Variants in SYDE2 observed in about 807,000 individuals in gnomAD.
SYDE2 encodes synapse defective Rho GTPase homolog 2.
Under a neutral mutation model 91.5 loss-of-function variants are expected in SYDE2, and 76 were observed. That is an observed-to-expected ratio of 0.83 (90% CI 0.69 to 1.01). The LOEUF (loss-of-function observed/expected upper bound fraction) is 1.01. Among genes scored for constraint, SYDE2 ranks in the 50% least tolerant of loss-of-function variants. The pLI is 0.00. For synonymous variants in SYDE2, 513 were observed against 506.4 expected, an observed-to-expected ratio of 1.01 and a Z score of -0.18; for missense variants, 1,364 against 1,367.7, an observed-to-expected ratio of 1.00 and a Z score of 0.04.
intron 1 of SYDE2, among the ~76,000 whole-genome samples, chr1:85,191,575 T>C (rs368258906): frequency 9.8e-4 from 149 of 152,068 alleles, no homozygotes; most frequent in African/African-American, 2.6e-3. Context: ...CTGGCCAACA[T>C]AGTGAAACCC....
Position 85,164,553 on chromosome 1 carries a change from G to A in SYDE2, c.3058C>T (p.Leu1020Phe). 4 of 1,601,864 alleles carry A rather than the reference G, an allele frequency of 2.5e-6. No individual in the cohort carries two copies. Among genetic ancestry groups the A allele is most frequent in the Non-Finnish European group, 3.4e-6 (4 of 1,174,536 alleles). ...ALDFKKHIEVLHYLLQLWPVQ... is the reference protein window; with the variant it reads ...ALDFKKHIEVFHYLLQLWPVQ... ...GGCCAGAGTTGGAGTAAGTAATGAA[G>A]AACTTCAATGTGTTTTTTAAAATCC... The change falls in exon 6 of 7, where the codon CTT becomes TTT. Residue 1020 changes from leucine to phenylalanine, a missense_variant. Leu to Phe is a conservative substitution (Grantham distance 22, BLOSUM62 0). Coordinates refer to ENST00000341460, the MANE Select transcript of SYDE2 (RefSeq NM_032184.2).
In SYDE2 at chr1:85,200,445, C is replaced by T; in HGVS notation, c.552G>A (p.Pro184=). ...RQEGPSFLRP[P]AVTVKKLQKW... The stretch of plus-strand genomic sequence containing the variant: ...TCTGCAGCTTCTTGACTGTCACTGC[C>T]GGCGGCCTGAGGAAGGAGGGGCCTT... Residue 184 remains proline, a synonymous_variant, in exon 1 of 7, where the codon CCG becomes CCA. Transcript: ENST00000341460. 1 of 1,614,008 alleles carries T rather than the reference C, an allele frequency of 6.2e-7. No individual in the cohort carries two copies. The highest frequency in any genetic ancestry group is 8.5e-7 in the Non-Finnish European group (1 of 1,179,894).
In SYDE2 at chr1:85,169,189, G is replaced by A. The variant is rs1657408444; in HGVS notation, c.2708C>T (p.Pro903Leu). ...LKDYLRELPS[P>L]LITKQLYEAV... ...CTCATAAAGCTGCTTTGTTATCAGA[G>A]GAGAAGGGAGTTCTCTTAAATAATC... The change falls in exon 5 of 7, where the codon CCT becomes CTT. Residue 903 changes from proline to leucine, a missense_variant. Pro to Leu is a moderately conservative substitution (Grantham distance 98, BLOSUM62 -3). Transcript: ENST00000341460. The A allele has an allele frequency of 6.2e-7, 1 of 1,613,500 alleles. No individual in the cohort carries two copies. The highest frequency in any genetic ancestry group is 1.1e-5 in the South Asian group (1 of 90,996).
At chr1:85,163,445 C>CCATATA (rs1553170238) in intron 6 of SYDE2, among the ~76,000 whole-genome samples, 2 of 87,608 alleles carry the variant, frequency 2.3e-5, no homozygotes, top group African/African-American at 6.9e-5. Flanking sequence ...GTACTTTAAT[C>CCATATA]TATATATATA....
At chr1:85,171,054 C>T (rs1382140532) in intron 4 of SYDE2, among the ~76,000 whole-genome samples, 1 of 152,064 alleles carries the variant, frequency 6.6e-6, no homozygotes, top group Admixed American at 6.6e-5. Context: ...ACTAGTGACA[C>T]TATTTCAAAT....
Position 85,170,950 on chromosome 1 carries a change from A to G in SYDE2, c.2672-1725T>C, listed in dbSNP as rs1657481992. Among the ~76,000 whole-genome samples the G allele has an allele frequency of 2.0e-5, 3 of 152,216 alleles. No individual in the cohort carries two copies. The South Asian group carries it at 6.2e-4, about 31-fold the overall frequency. On this transcript the variant is annotated intron_variant, in intron 4 of 6. Transcript: ENST00000341460. Reference sequence around the variant, plus strand: ...CTGTAGGATAAATTCTTAAAACAGGACTGCTAAGTAAAAAATGCATTTGCA... The same window carrying G: ...CTGTAGGATAAATTCTTAAAACAGGGCTGCTAAGTAAAAAATGCATTTGCA...
chr1:85,177,963 T>A (rs1416074991), intron 4 of SYDE2, among the ~76,000 whole-genome samples, 183 bp downstream of exon 4: 1 of 152,164 alleles, frequency 6.6e-6, no homozygotes, highest in Non-Finnish European at 1.5e-5. Flanking sequence ...CAGCTGTTTG[T>A]GGGCAAGGGA....
At position 85,182,913 on chromosome 1, in the gene SYDE2, A is replaced by G. The variant is rs1184801172; in HGVS notation, c.1729T>C (p.Ser577Pro). Residue 577 changes from serine (S) to proline (P), a missense_variant, in exon 3 of 7, where the codon TCT becomes CCT. Coordinates refer to ENST00000341460, the MANE Select transcript of SYDE2 (RefSeq NM_032184.2). Reference protein sequence around the residue: ...REVHHTDILPSGNTTTAAKRN... With the variant: ...REVHHTDILPPGNTTTAAKRN... ...TTAGCAGCGGTGGTTGTGTTCCCAG[A>G]GGGCAGAATATCAGTATGATGAACT... is the stretch of plus-strand genomic sequence containing the variant. 2.0e-5 allele frequency: 33 copies of G among 1,613,698 alleles called. No homozygotes were observed. Among genetic ancestry groups the G allele is most frequent in the Non-Finnish European group, 2.7e-5 (32 of 1,179,804 alleles).
downstream of SYDE2, chr1:85,152,545 A>T (rs535843272): frequency 2.0e-4 from 31 of 152,254 alleles, no homozygotes; most frequent in Non-Finnish European, 4.0e-4. Flanking sequence ...AAAATTATGT[A>T]GACATTGCGA....
At chr1:85,183,263 T>A in intron 2 of SYDE2, 63 bp from the exon 3 acceptor site, 5 of 1,423,788 alleles carry the variant, frequency 3.5e-6, no homozygotes, top group Non-Finnish European at 4.7e-6. Context: ...TTATTCTTAT[T>A]TTATAAACCA....
intron 6 of SYDE2, chr1:85,160,324 AT>A (rs1657015297): frequency 1.1e-6 from 1 of 910,650 alleles, no homozygotes. Flanking sequence ...TTAAAGTGAT[AT>A]TCATAACATT....
At chr1:85,186,546 C>T (rs1025987663) in intron 2 of SYDE2, among the ~76,000 whole-genome samples, 29 of 152,050 alleles carry the variant, frequency 1.9e-4, no homozygotes, top group East Asian at 9.6e-4. Context: ...AAAAAGAGCC[C>T]GCATCGCCAA....
chr1:85,155,009 C>CAAAAAAA, downstream of SYDE2, among the ~76,000 whole-genome samples: 9 of 80,638 alleles, frequency 1.1e-4, no homozygotes, highest in Non-Finnish European at 1.8e-4. Context: ...AAGAATGCAG[C>CAAAAAAA]AAAAAAAAAA....
chr1:85,189,977 C>T, intron 2 of SYDE2, 80 bp downstream of exon 2: 1 of 1,093,810 alleles, frequency 9.1e-7, no homozygotes, highest in Non-Finnish European at 1.3e-6. Flanking sequence ...TAACAAACAT[C>T]TTTTATATTT....
intron 6 of SYDE2, among the ~76,000 whole-genome samples, chr1:85,164,185 T>A (rs1023786330): frequency 1.3e-5 from 2 of 152,152 alleles, no homozygotes; most frequent in Non-Finnish European, 2.9e-5. Context: ...TAAAAATCTA[T>A]AAACATATTA....
chr1:85,159,347 AC>A, intron 6 of SYDE2, 98 bp from the exon 7 acceptor site: 1 of 680,160 alleles, frequency 1.5e-6, no homozygotes, highest in South Asian at 1.6e-5. Context: ...TCAACTACAA[AC>A]ATGCATTAAA....
intron 6 of SYDE2, among the ~76,000 whole-genome samples, chr1:85,161,520 G>A (rs1657058285): frequency 6.6e-6 from 1 of 152,092 alleles, no homozygotes; most frequent in Non-Finnish European, 1.5e-5. Context: ...GAAGTCAGGA[G>A]TTCGAGATTG....
intron 2 of SYDE2, among the ~76,000 whole-genome samples, chr1:85,186,483 A>G (rs1658144229): frequency 6.6e-6 from 1 of 152,166 alleles, no homozygotes; most frequent in Admixed American, 6.5e-5. Context: ...CAAGCTACCA[A>G]TGACTTTCTT....
chr1:85,186,255 C>A (rs1257337186), intron 2 of SYDE2, among the ~76,000 whole-genome samples: 1 of 152,046 alleles, frequency 6.6e-6, no homozygotes, highest in Non-Finnish European at 1.5e-5. Context: ...GTCTAAAATT[C>A]TCTTTTTTGG....
Sources: gnomAD v4.1 joint callset for allele counts (sites outside exome capture counted in the v4.1 genomes callset) on GRCh38, gnomAD v4.1.1 for gene constraint, MANE v1.5 for transcripts, NCBI Gene and HGNC (gene_info 2026-07-23, HGNC 2026-07-21) for gene names.